PAG1: variants seen among roughly 807,000 people sequenced by gnomAD.
The protein encoded by PAG1 is phosphoprotein membrane anchor with glycosphingolipid microdomains 1.
A neutral mutation model predicts 31.7 loss-of-function variants in PAG1; 23 were observed. The ratio of observed to expected loss-of-function variants is 0.73; its 90% CI spans 0.52 to 1.03. The LOEUF is 1.03. PAG1 is among the 50% of genes least tolerant of loss of function. PAG1 has a pLI of 0.00. For missense variants in PAG1, 473 were observed against 540.7 expected, an observed-to-expected ratio of 0.87 and a Z score of 1.24; for synonymous variants, 214 against 210.3, an observed-to-expected ratio of 1.02 and a Z score of -0.15.
intron 2 of PAG1, among the ~76,000 whole-genome samples, chr8:81,047,568 G>A (rs1241541355): frequency 6.6e-6 from 1 of 152,138 alleles, no homozygotes; most frequent in Non-Finnish European, 1.5e-5. Flanking sequence ...AAATCAAAAG[G>A]CTCTTGTCTC....
intron 3 of PAG1, among the ~76,000 whole-genome samples, chr8:81,014,256 C>A (rs985146735): frequency 1.3e-5 from 2 of 152,168 alleles, no homozygotes; most frequent in African/African-American, 4.8e-5. Context: ...TTTTATAAAC[C>A]GGAAATCATT....
At chr8:81,069,006 C>T (rs922050995) in intron 2 of PAG1, among the ~76,000 whole-genome samples, 15 of 152,148 alleles carry the variant, frequency 9.9e-5, no homozygotes, top group African/African-American at 3.6e-4. Context: ...AGATTCTTGT[C>T]AAATATTAGG....
intron 2 of PAG1, among the ~76,000 whole-genome samples, chr8:81,039,819 C>T (rs933011298): frequency 4.6e-5 from 7 of 152,100 alleles, no homozygotes; most frequent in Non-Finnish European, 8.8e-5. Flanking sequence ...TAGGTTCACG[C>T]AATTCATTAT....
At chr8:81,085,092 G>T (rs543960641) in intron 1 of PAG1, among the ~76,000 whole-genome samples, 18 of 152,314 alleles carry the variant, frequency 1.2e-4, no homozygotes, top group African/African-American at 4.3e-4. Flanking sequence ...TAAGATGGTT[G>T]TTGGGCCTTT....
intron 8 of PAG1, among the ~76,000 whole-genome samples, chr8:80,979,855 T>G (rs555925253): frequency 1.1e-3 from 161 of 152,328 alleles, no homozygotes; most frequent in African/African-American, 3.7e-3. Context: ...TTAACAATTT[T>G]AATGCTTCAT....
chr8:81,025,594 G>T lies in PAG1; in HGVS notation c.-81+4402C>A, dbSNP rs191403211. Among the ~76,000 whole-genome samples the T allele has an allele frequency of 1.2e-3, 177 of 152,264 alleles. 3 individuals are homozygous for T. Among genetic ancestry groups the T allele is most frequent in the Middle Eastern group, 6.8e-3 (2 of 294 alleles). On this transcript the variant is annotated intron_variant, in intron 3 of 8. Coordinates refer to ENST00000220597, the MANE Select transcript of PAG1 (RefSeq NM_018440.4). Reference sequence around the variant, plus strand: ...ACCACCGTGCCCAGGGCCATGGTATGTCAAAGGGCCCAGGACCCACCAGTG... The same window carrying T: ...ACCACCGTGCCCAGGGCCATGGTATTTCAAAGGGCCCAGGACCCACCAGTG...
intron 4 of PAG1, among the ~76,000 whole-genome samples, chr8:80,992,469 T>C (rs1303610861): frequency 2.6e-5 from 4 of 152,216 alleles, no homozygotes; most frequent in Admixed American, 2.0e-4. Flanking sequence ...TTGTAACAGT[T>C]CCAGAATGTC....
chr8:81,051,312 C>A (rs902311565), intron 2 of PAG1, among the ~76,000 whole-genome samples: 1 of 152,296 alleles, frequency 6.6e-6, no homozygotes, highest in African/African-American at 2.4e-5. Context: ...CCTTTAAAAA[C>A]GACTTAAGAT....
At chr8:81,018,354 T>G (rs544714769) in intron 3 of PAG1, among the ~76,000 whole-genome samples, 1 of 152,356 alleles carries the variant, frequency 6.6e-6, no homozygotes, top group African/African-American at 2.4e-5. Flanking sequence ...AAGGCACAAT[T>G]TAATATTTTA....
chr8:81,100,683 C>T (rs1432140244), intron 1 of PAG1, among the ~76,000 whole-genome samples: 1 of 152,200 alleles, frequency 6.6e-6, no homozygotes, highest in African/African-American at 2.4e-5. Context: ...GCTTCTGAAG[C>T]TAATGAGAAC....
chr8:80,998,429 GC>G (rs1314178790), intron 3 of PAG1, among the ~76,000 whole-genome samples: 4 of 152,042 alleles, frequency 2.6e-5, no homozygotes, highest in African/African-American at 7.2e-5. Flanking sequence ...TGACCGGCCA[GC>G]AGGTGTCACT....
chr8:81,031,114 G>A (rs1214988429), intron 2 of PAG1, among the ~76,000 whole-genome samples: 1 of 152,200 alleles, frequency 6.6e-6, no homozygotes, highest in East Asian at 1.9e-4. Context: ...TAGACTGTGT[G>A]TTGCTTTCTC....
In PAG1 at chr8:80,972,766, G is replaced by A. The variant is rs1179529953; in HGVS notation, c.*3778C>T. The stretch of plus-strand genomic sequence containing the variant: ...AAAAATTAAATTAGAGCAACTCAAG[G>A]TTTTCCTGTAATTACCAAATGAAAC... On this transcript the variant is annotated 3_prime_UTR_variant, in exon 9 of 9. Coordinates refer to ENST00000220597, the MANE Select transcript of PAG1 (RefSeq NM_018440.4). 24 of 152,080 alleles carry A rather than the reference G, an allele frequency of 1.6e-4. No individual in the cohort carries two copies. Among genetic ancestry groups the A allele is most frequent in the Admixed American group, 1.6e-3 (24 of 15,272 alleles). 9.4% of individuals were successfully genotyped at this position (152,080 alleles called of 1,614,324 possible).
chr8:80,982,943 C>A (rs1807338535), intron 7 of PAG1, among the ~76,000 whole-genome samples: 1 of 152,206 alleles, frequency 6.6e-6, no homozygotes, highest in Non-Finnish European at 1.5e-5. Flanking sequence ...TTGTTCTCCT[C>A]ACTTCTACCC....
At chr8:81,014,375 CA>C (rs768752775) in intron 3 of PAG1, among the ~76,000 whole-genome samples, 65 of 152,264 alleles carry the variant, frequency 4.3e-4, no homozygotes, top group Admixed American at 6.5e-4. Context: ...ACTTTAAAAA[CA>C]AACTGAGAGT....
intron 1 of PAG1, among the ~76,000 whole-genome samples, chr8:81,085,561 A>G (rs1809337239): frequency 6.6e-6 from 1 of 152,246 alleles, no homozygotes; most frequent in Non-Finnish European, 1.5e-5. Context: ...TGTGCTTAGG[A>G]AAGAAAATAG....
At chr8:80,979,792 A>C (rs151330239) in intron 8 of PAG1, among the ~76,000 whole-genome samples, 42 of 151,540 alleles carry the variant, frequency 2.8e-4, no homozygotes, top group Admixed American at 3.9e-4. Flanking sequence ...ATATATATAC[A>C]TATGAAATAT....
rs116113266 is a variant in PAG1 at position 81,028,203 on chromosome 8, C to T, written c.-81+1793G>A. On this transcript the variant is annotated intron_variant, in intron 3 of 8. Coordinates refer to ENST00000220597, the MANE Select transcript of PAG1 (RefSeq NM_018440.4). ...AAGCAGAAATGCCAGGCCTCAGTCA[C>T]AGCCAGCTCAGTTTCCAGTTCACGG... is the stretch of plus-strand genomic sequence containing the variant. Among the ~76,000 whole-genome samples, 984 of 152,330 alleles carry T rather than the reference C, an allele frequency of 6.5e-3. 4 individuals are homozygous for T. Among genetic ancestry groups the T allele is most frequent in the African/African-American group, 0.022 (933 of 41,576 alleles).
chr8:81,048,350 T>C (rs1191536668), intron 2 of PAG1, among the ~76,000 whole-genome samples: 1 of 152,182 alleles, frequency 6.6e-6, no homozygotes, highest in Non-Finnish European at 1.5e-5. Context: ...CTTCATTTAC[T>C]CTACCCAAGG....
Sources: gnomAD v4.1 joint callset for allele counts (sites outside exome capture counted in the v4.1 genomes callset) on GRCh38, gnomAD v4.1.1 for gene constraint, MANE v1.5 for transcripts, NCBI Gene and HGNC (gene_info 2026-07-23, HGNC 2026-07-21) for gene names.